The following GMDS variants were observed in gnomAD, a reference collection of about 807,000 sequenced individuals.
GMDS encodes the protein GDP-mannose 4,6 dehydratase.
GMDS carries 20 observed loss-of-function variants against 49.9 expected under a neutral mutation model. The ratio of observed to expected loss-of-function variants is 0.40; its 90% CI spans 0.28 to 0.58. The LOEUF is 0.58. GMDS is among the 20% of genes least tolerant of loss of function. The probability of loss-of-function intolerance (pLI) is 0.42; values close to 1 mark genes in which losing one functional copy is unlikely to be tolerated. For missense variants in GMDS, 362 were observed against 481.4 expected, an observed-to-expected ratio of 0.75 and a Z score of 2.32; for synonymous variants, 177 against 178.6, an observed-to-expected ratio of 0.99 and a Z score of 0.07.
intron 9 of GMDS, among the ~76,000 whole-genome samples, chr6:1,713,174 C>T (rs1248492708): frequency 6.6e-6 from 1 of 152,266 alleles, no homozygotes; most frequent in African/African-American, 2.4e-5. Flanking sequence ...AATAAACCCA[C>T]AGGCCAGCGG....
chr6:1,758,288 T>C (rs1388001708), intron 7 of GMDS, among the ~76,000 whole-genome samples: 2 of 152,202 alleles, frequency 1.3e-5, no homozygotes, highest in Non-Finnish European at 2.9e-5. Flanking sequence ...ACTTCTTCAG[T>C]AGTGATTTCA....
At chr6:1,841,982 C>T (rs73718508) in intron 7 of GMDS, among the ~76,000 whole-genome samples, 1,630 of 152,276 alleles carry the variant, frequency 0.011, 23 homozygotes, top group African/African-American at 0.037. Context: ...TCTCACAATT[C>T]GGAATGGCAT....
At chr6:1,937,811 T>TG (rs1432965532) in intron 6 of GMDS, among the ~76,000 whole-genome samples, 1 of 152,170 alleles carries the variant, frequency 6.6e-6, no homozygotes, top group African/African-American at 2.4e-5. Flanking sequence ...CATCAACAGG[T>TG]TCAGATATTA....
chr6:1,975,030 T>C (rs1249831803), intron 4 of GMDS, among the ~76,000 whole-genome samples: 4 of 118,092 alleles, frequency 3.4e-5, no homozygotes, highest in Non-Finnish European at 7.1e-5. Context: ...AGAGTGAGAC[T>C]CTGTCTCAAA....
At chr6:1,819,068 A>C (rs1342981154) in intron 7 of GMDS, among the ~76,000 whole-genome samples, 2 of 151,876 alleles carry the variant, frequency 1.3e-5, no homozygotes, top group Admixed American at 6.6e-5. Flanking sequence ...TCACACATAC[A>C]CTCACATACA....
intron 9 of GMDS, among the ~76,000 whole-genome samples, chr6:1,660,151 T>C (rs1337504317): frequency 3.3e-5 from 5 of 152,138 alleles, no homozygotes; most frequent in Non-Finnish European, 7.3e-5. Flanking sequence ...CCTTCCTTGC[T>C]AAAGCATTCC....
chr6:1,664,978 G>A (rs140516145), intron 9 of GMDS, among the ~76,000 whole-genome samples: 1 of 152,212 alleles, frequency 6.6e-6, no homozygotes, highest in Admixed American at 6.5e-5. Flanking sequence ...TGCATACTCA[G>A]CTGGCTTTGC....
chr6:2,019,436 T>C (rs1197163929), intron 4 of GMDS, among the ~76,000 whole-genome samples: 1 of 151,680 alleles, frequency 6.6e-6, no homozygotes, highest in Non-Finnish European at 1.5e-5. Flanking sequence ...TACCTGTGAG[T>C]TTTTTCTAGA....
At chr6:1,774,440 G>T (rs889818275) in intron 7 of GMDS, among the ~76,000 whole-genome samples, 1 of 152,162 alleles carries the variant, frequency 6.6e-6, no homozygotes, top group South Asian at 2.1e-4. Context: ...GAATTATGAG[G>T]GTCATTCCTT....
At chr6:1,792,335 T>C (rs968927411) in intron 7 of GMDS, among the ~76,000 whole-genome samples, 3 of 152,180 alleles carry the variant, frequency 2.0e-5, no homozygotes, top group Non-Finnish European at 4.4e-5. Flanking sequence ...TAATTTTTCA[T>C]ACCTTCAAAC....
intron 4 of GMDS, among the ~76,000 whole-genome samples, chr6:1,971,599 T>G (rs1468530947): frequency 1.3e-5 from 2 of 152,148 alleles, no homozygotes; most frequent in African/African-American, 2.4e-5. Flanking sequence ...GAACACTGAT[T>G]ACACATGACA....
intron 7 of GMDS, among the ~76,000 whole-genome samples, chr6:1,764,941 GCTGT>G (rs916705790): frequency 5.3e-5 from 8 of 152,110 alleles, no homozygotes; most frequent in African/African-American, 1.7e-4. Flanking sequence ...GTTCAGAGGA[GCTGT>G]CTTTTTTTCT....
At chr6:1,933,470 A>G (rs1762387158) in intron 6 of GMDS, among the ~76,000 whole-genome samples, 1 of 152,218 alleles carries the variant, frequency 6.6e-6, no homozygotes, top group Admixed American at 6.5e-5. Context: ...TGGCTGCACC[A>G]CTTTACATTC....
intron 5 of GMDS, 91 bp downstream of exon 5, chr6:1,960,683 G>A: frequency 2.5e-6 from 2 of 793,142 alleles, no homozygotes; most frequent in Non-Finnish European, 3.9e-6. Flanking sequence ...CTTCAGCTGT[G>A]AGACATGAAC....
chr6:2,048,468 C>T (rs1465454824), intron 4 of GMDS, among the ~76,000 whole-genome samples: 1 of 152,224 alleles, frequency 6.6e-6, no homozygotes, highest in East Asian at 1.9e-4. Flanking sequence ...ACCACCTGAG[C>T]AGTTCTTCCC....
chr6:1,801,169 GA>G (rs1471323688), intron 7 of GMDS, among the ~76,000 whole-genome samples: 1 of 152,226 alleles, frequency 6.6e-6, no homozygotes, highest in Non-Finnish European at 1.5e-5. Flanking sequence ...GACCTGCACC[GA>G]AATTACCTTT....
At chr6:1,681,629 G>A (rs917754340) in intron 9 of GMDS, among the ~76,000 whole-genome samples, 20 of 152,218 alleles carry the variant, frequency 1.3e-4, no homozygotes, top group Admixed American at 1.2e-3. Context: ...AGAGAGGCCA[G>A]GGGATCTCAC....
At chr6:2,152,899 T>C (rs940299075) in intron 1 of GMDS, among the ~76,000 whole-genome samples, 4 of 152,110 alleles carry the variant, frequency 2.6e-5, no homozygotes, top group East Asian at 1.9e-4. Flanking sequence ...CCCAAATACA[T>C]ACAGGAATGT....
intron 7 of GMDS, among the ~76,000 whole-genome samples, chr6:1,777,550 C>T (rs1238352716): frequency 6.6e-6 from 1 of 152,202 alleles, no homozygotes; most frequent in African/African-American, 2.4e-5. Flanking sequence ...GTGTGTTACA[C>T]CATCACTCTG....
Sources: allele counts gnomAD v4.1 joint callset (sites outside exome capture counted in the v4.1 genomes callset), GRCh38; gene constraint gnomAD v4.1.1; transcripts MANE v1.5; gene names NCBI Gene and HGNC (gene_info 2026-07-23, HGNC 2026-07-21).